The following ADGRV1 variants were observed in gnomAD, a reference collection of about 807,000 sequenced individuals.
ADGRV1 encodes G-protein coupled receptor 98.
A neutral mutation model predicts 596.2 loss-of-function variants in ADGRV1; 359 were observed. That is an observed-to-expected ratio of 0.60 (90% CI 0.55 to 0.66). ADGRV1 has a LOEUF of 0.66. Ranked by LOEUF, ADGRV1 falls within the 30% of genes least tolerant of loss-of-function variation. The pLI, the probability that ADGRV1 is intolerant of heterozygous loss-of-function variation, is 0.00. For missense variants in ADGRV1, 7,274 were observed against 7,575.6 expected (o/e 0.96, Z 1.48); for synonymous variants, 2,681 against 2,679.2 (o/e 1.00, Z -0.02).
chr5:90,783,159 G>T lies in ADGRV1; in HGVS notation c.13267G>T (p.Val4423Leu). 6.2e-7 allele frequency: 1 copy of T among 1,613,632 alleles called. No homozygotes were observed. Among genetic ancestry groups the T allele is most frequent in the Non-Finnish European group, 8.5e-7 (1 of 1,179,626 alleles). The change falls in exon 66 of 90, where the codon GTG becomes TTG. Residue 4423 changes from valine to leucine, a missense_variant. Coordinates refer to ENST00000405460, the MANE Select transcript of ADGRV1 (RefSeq NM_032119.4). ...TGTTGGGCTGATCATGATCCCAGTG[G>T]TGAGGCTACATGGAACTTATGGCTA... is the stretch of plus-strand genomic sequence containing the variant. ...EDVGLIMIPV[V>L]RLHGTYGYVT...
intron 25 of ADGRV1, among the ~76,000 whole-genome samples, chr5:90,679,203 A>G (rs10214257): frequency 0.033 from 5,028 of 152,302 alleles, 261 homozygotes; most frequent in African/African-American, 0.12. Flanking sequence ...GTATGATTAT[A>G]TAATCAGATA....
intron 87 of ADGRV1, among the ~76,000 whole-genome samples, chr5:91,115,543 G>T (rs1792778647): frequency 6.6e-6 from 1 of 152,208 alleles, no homozygotes; most frequent in African/African-American, 2.4e-5. Context: ...TATGGAAGTT[G>T]AGTAAGATCT....
intron 21 of ADGRV1, among the ~76,000 whole-genome samples, chr5:90,667,455 G>A (rs1360542736): frequency 2.7e-5 from 4 of 147,478 alleles, no homozygotes; most frequent in African/African-American, 1.0e-4. Flanking sequence ...TTGGTTTTCA[G>A]CTCCATCAGC....
At chr5:90,605,183 G>A (rs770894924) in intron 1 of ADGRV1, among the ~76,000 whole-genome samples, 14 of 152,154 alleles carry the variant, frequency 9.2e-5, no homozygotes, top group Non-Finnish European at 1.8e-4. Flanking sequence ...CTGGGAGGCC[G>A]AGGCAGGCGG....
chr5:90,807,820 G>C, intron 73 of ADGRV1, 83 bp downstream of exon 73: 1 of 1,223,092 alleles, frequency 8.2e-7, no homozygotes, highest in Non-Finnish European at 1.1e-6. Context: ...AAGGCACAAG[G>C]GTTATTCTCC....
chr5:90,732,618 C>T (rs1219551160), intron 50 of ADGRV1, among the ~76,000 whole-genome samples: 3 of 152,164 alleles, frequency 2.0e-5, no homozygotes, highest in Non-Finnish European at 2.9e-5. Context: ...ATTTCTCTCA[C>T]GCCCTGGCCC....
intron 62 of ADGRV1, 134 bp from the exon 63 acceptor site, chr5:90,778,293 G>T: frequency 1.2e-6 from 1 of 802,972 alleles, no homozygotes; most frequent in Admixed American, 2.4e-5. Flanking sequence ...TTGTGGAGGT[G>T]CCTGTGTATG....
chr5:91,054,339 G>A (rs1028920828), intron 85 of ADGRV1, among the ~76,000 whole-genome samples: 1 of 151,874 alleles, frequency 6.6e-6, no homozygotes, highest in African/African-American at 2.4e-5. Flanking sequence ...TTAATCTTTT[G>A]TGTTTTGTAG....
intron 20 of ADGRV1, 113 bp from the exon 21 acceptor site, chr5:90,657,792 C>T (rs1057320740): frequency 3.4e-6 from 4 of 1,162,120 alleles, no homozygotes; most frequent in Non-Finnish European, 4.7e-6. Flanking sequence ...GCAAAAGTTT[C>T]ATTTATCCAA....
intron 86 of ADGRV1, among the ~76,000 whole-genome samples, chr5:91,091,032 A>T (rs1790338910): frequency 1.3e-5 from 2 of 152,176 alleles, no homozygotes; most frequent in Non-Finnish European, 2.9e-5. Context: ...TCAGAGTTTG[A>T]AAGTCAGTAT....
At chr5:91,050,374 A>G (rs1167144387) in intron 85 of ADGRV1, among the ~76,000 whole-genome samples, 1 of 152,204 alleles carries the variant, frequency 6.6e-6, no homozygotes, top group East Asian at 1.9e-4. Flanking sequence ...ACCCTTTCAT[A>G]TAAAATTAAC....
At chr5:90,816,874 G>A (rs1302662958) in intron 75 of ADGRV1, among the ~76,000 whole-genome samples, 10 of 151,920 alleles carry the variant, frequency 6.6e-5, no homozygotes, top group Admixed American at 1.3e-4. Context: ...ATAAACATAC[G>A]TGTGCATGTG....
At chr5:90,955,016 T>G (rs79225051) in intron 83 of ADGRV1, among the ~76,000 whole-genome samples, 9,226 of 152,200 alleles carry the variant, frequency 0.061, 370 homozygotes, top group Middle Eastern at 0.14. Flanking sequence ...TGACCGAGAT[T>G]TGTGCACTTA....
intron 85 of ADGRV1, among the ~76,000 whole-genome samples, chr5:91,013,151 A>T (rs555061346): frequency 5.9e-5 from 9 of 152,064 alleles, no homozygotes; most frequent in East Asian, 3.9e-4. Context: ...GGTTGATTCC[A>T]TGTCTTTGCC....
chr5:91,129,777 C>T (rs1019073501), intron 87 of ADGRV1, among the ~76,000 whole-genome samples: 1 of 152,148 alleles, frequency 6.6e-6, no homozygotes, highest in Admixed American at 6.5e-5. Context: ...ATGATCCAGT[C>T]TACGGCACAC....
intron 75 of ADGRV1, among the ~76,000 whole-genome samples, chr5:90,818,754 A>G (rs1763170970): frequency 1.3e-5 from 2 of 151,630 alleles, no homozygotes; most frequent in East Asian, 3.9e-4. Flanking sequence ...CTTGCATCCC[A>G]GGGATGAAGC....
chr5:90,870,098 T>C (rs1268606544), intron 83 of ADGRV1, among the ~76,000 whole-genome samples: 1 of 152,314 alleles, frequency 6.6e-6, no homozygotes, highest in East Asian at 1.9e-4. Flanking sequence ...AAGGTTTCCA[T>C]AGCATGGAGA....
At chr5:91,081,614 C>T (rs1466941132) in intron 86 of ADGRV1, among the ~76,000 whole-genome samples, 1 of 151,858 alleles carries the variant, frequency 6.6e-6, no homozygotes, top group Non-Finnish European at 1.5e-5. Flanking sequence ...TGTGAAACCC[C>T]GTCTCTACAA....
intron 64 of ADGRV1, chr5:90,781,169 C>T (rs1264692145): frequency 1.3e-5 from 6 of 449,530 alleles, no homozygotes; most frequent in Admixed American, 1.1e-4. Flanking sequence ...TTATTATCTT[C>T]CCATTGCCCA....
Sources: allele counts gnomAD v4.1 joint callset (sites outside exome capture counted in the v4.1 genomes callset), GRCh38; gene constraint gnomAD v4.1.1; transcripts MANE v1.5; gene names NCBI Gene and HGNC (gene_info 2026-07-23, HGNC 2026-07-21).